Variants in MAGI1 observed in about 807,000 individuals in gnomAD.
MAGI1 encodes the protein membrane associated guanylate kinase, WW and PDZ domain containing 1, also known as membrane-associated guanylate kinase, WW and PDZ domain-containing protein 1.
Under a neutral mutation model 139.9 loss-of-function variants are expected in MAGI1, and 58 were observed. The observed-to-expected ratio is 0.41, with a 90% CI of 0.34 to 0.52. MAGI1 has a LOEUF of 0.52. Among genes scored for constraint, MAGI1 ranks in the 20% least tolerant of loss-of-function variants. The probability of loss-of-function intolerance (pLI) is 0.12; values close to 1 mark genes in which losing one functional copy is unlikely to be tolerated. For missense variants in MAGI1, 1,874 were observed against 1,901.6 expected (o/e 0.99, Z 0.27); for synonymous variants, 812 against 737.9 (o/e 1.10, Z -1.63).
At chr3:65,760,163 C>G (rs566083484) in intron 1 of MAGI1, among the ~76,000 whole-genome samples, 1 of 151,956 alleles carries the variant, frequency 6.6e-6, no homozygotes, top group African/African-American at 2.4e-5. Flanking sequence ...CCTCCTCCTC[C>G]TCCTCCTCCT....
At chr3:65,591,359 C>T (rs2081957082) in intron 2 of MAGI1, among the ~76,000 whole-genome samples, 1 of 152,092 alleles carries the variant, frequency 6.6e-6, no homozygotes, top group Admixed American at 6.5e-5. Context: ...TTTTCTCACA[C>T]CCCTCAGGTC....
rs193216072 is a variant in MAGI1 at position 65,941,296 on chromosome 3, G to A, written c.313+96700C>T. On this transcript the variant is annotated intron_variant, in intron 1 of 22. Coordinates refer to ENST00000402939, the MANE Select transcript of MAGI1 (RefSeq NM_001033057.2). Reference sequence around the variant, plus strand: ...CAGGAGGTGGAGGTTGCAGTGAGCCGAGATTGAGCCACTGCACTCCAGCCT... The same window carrying A: ...CAGGAGGTGGAGGTTGCAGTGAGCCAAGATTGAGCCACTGCACTCCAGCCT... Among the ~76,000 whole-genome samples the A allele has an allele frequency of 5.2e-3, 793 of 151,682 alleles. 6 individuals are homozygous for A. The highest frequency in any genetic ancestry group is 8.3e-3 in the Non-Finnish European group (567 of 67,962).
chr3:65,999,818 A>G (rs1393840740), intron 1 of MAGI1, among the ~76,000 whole-genome samples: 1 of 151,958 alleles, frequency 6.6e-6, no homozygotes, highest in East Asian at 1.9e-4. Flanking sequence ...TTTCGAACTA[A>G]TAAGTAACCT....
intron 1 of MAGI1, among the ~76,000 whole-genome samples, chr3:65,838,057 T>C (rs2058687003): frequency 6.6e-6 from 1 of 152,198 alleles, no homozygotes; most frequent in Non-Finnish European, 1.5e-5. Context: ...GCAATATTTG[T>C]GTATGAGTTC....
chr3:65,639,332 T>C (rs1262777894), intron 1 of MAGI1, among the ~76,000 whole-genome samples: 1 of 152,202 alleles, frequency 6.6e-6, no homozygotes, highest in Non-Finnish European at 1.5e-5. Context: ...GAAGTCTAAT[T>C]TATCAATTTT....
At chr3:65,773,353 T>C (rs1488924309) in intron 1 of MAGI1, among the ~76,000 whole-genome samples, 1 of 151,874 alleles carries the variant, frequency 6.6e-6, no homozygotes, top group Non-Finnish European at 1.5e-5. Context: ...GTCAACACAG[T>C]GAAACCTCAT....
chr3:65,976,145 G>A (rs1028706987), intron 1 of MAGI1, among the ~76,000 whole-genome samples: 1 of 152,156 alleles, frequency 6.6e-6, no homozygotes, highest in Non-Finnish European at 1.5e-5. Context: ...CACTGGTGGT[G>A]ACTTTTTGCT....
intron 14 of MAGI1, among the ~76,000 whole-genome samples, chr3:65,385,896 AAAC>A (rs1225390447): frequency 3.3e-5 from 5 of 152,208 alleles, no homozygotes; most frequent in Non-Finnish European, 7.4e-5. Context: ...AGCCTCAATG[AAAC>A]AACAAATTAA....
At chr3:65,942,924 G>C (rs1005652909) in intron 1 of MAGI1, among the ~76,000 whole-genome samples, 3 of 152,310 alleles carry the variant, frequency 2.0e-5, no homozygotes, top group African/African-American at 7.2e-5. Flanking sequence ...GGGAGGCTGA[G>C]GCAAGAGAAT....
chr3:65,818,139 C>T (rs1437566844), intron 1 of MAGI1, among the ~76,000 whole-genome samples: 2 of 152,084 alleles, frequency 1.3e-5, no homozygotes, highest in Non-Finnish European at 1.5e-5. Context: ...CACATACACA[C>T]ACAATATTCT....
At chr3:65,951,015 GGAA>G (rs1560047120) in intron 1 of MAGI1, among the ~76,000 whole-genome samples, 15 of 122,406 alleles carry the variant, frequency 1.2e-4, no homozygotes, top group East Asian at 4.8e-4. Flanking sequence ...AAGGAAGGAA[GGAA>G]GGAAGGAAGG....
At chr3:65,959,946 C>G (rs62243767) in intron 1 of MAGI1, among the ~76,000 whole-genome samples, 90 of 151,006 alleles carry the variant, frequency 6.0e-4, no homozygotes, top group Non-Finnish European at 1.1e-3. Flanking sequence ...GCTGTGATTA[C>G]AGGAGCCCGC....
At chr3:65,373,687 A>G (rs1358142729) in intron 18 of MAGI1, among the ~76,000 whole-genome samples, 1 of 152,142 alleles carries the variant, frequency 6.6e-6, no homozygotes, top group African/African-American at 2.4e-5. Context: ...CATCCTTCCT[A>G]TTAGGAACCT....
At chr3:65,538,221 G>C (rs1440500630) in intron 2 of MAGI1, among the ~76,000 whole-genome samples, 1 of 152,196 alleles carries the variant, frequency 6.6e-6, no homozygotes, top group Non-Finnish European at 1.5e-5. Context: ...ATAGGTTGGA[G>C]TATAAGGATA....
intron 1 of MAGI1, among the ~76,000 whole-genome samples, chr3:65,855,229 A>C (rs2059334975): frequency 6.6e-6 from 1 of 151,412 alleles, no homozygotes; most frequent in Non-Finnish European, 1.5e-5. Flanking sequence ...AGAGAAAAAA[A>C]GGCCTGTGAA....
At chr3:65,806,667 C>T (rs1371261799) in intron 1 of MAGI1, among the ~76,000 whole-genome samples, 3 of 152,182 alleles carry the variant, frequency 2.0e-5, no homozygotes, top group Admixed American at 6.6e-5. Context: ...TTTAATTCTG[C>T]TGGAGTTTTT....
intron 1 of MAGI1, among the ~76,000 whole-genome samples, chr3:65,782,981 C>A (rs1192504367): frequency 6.7e-6 from 1 of 150,120 alleles, no homozygotes; most frequent in Non-Finnish European, 1.5e-5. Flanking sequence ...AATCCCAAAG[C>A]ACCTTTAAAA....
intron 1 of MAGI1, among the ~76,000 whole-genome samples, chr3:65,875,739 A>G (rs531264092): frequency 6.6e-6 from 1 of 152,352 alleles, no homozygotes; most frequent in East Asian, 1.9e-4. Flanking sequence ...ACAGCCTAAC[A>G]TAATAATGAA....
Position 65,659,988 on chromosome 3 carries a change from A to G in MAGI1, c.314-37900T>C, listed in dbSNP as rs1454084323. 3.9e-5 allele frequency among the ~76,000 whole-genome samples: 6 copies of G among 152,226 alleles called. No homozygotes were observed. In the East Asian group the frequency reaches 1.2e-3, roughly 29 times the overall value. The stretch of plus-strand genomic sequence containing the variant: ...CCATACTGACAAGACACAAATTACA[A>G]GTTGGCCACATAGAAAGCACTCAAC... On this transcript the variant is annotated intron_variant, in intron 1 of 22. Transcript: ENST00000402939.
Sources: gnomAD v4.1 joint callset for allele counts (sites outside exome capture counted in the v4.1 genomes callset) on GRCh38, gnomAD v4.1.1 for gene constraint, MANE v1.5 for transcripts, NCBI Gene and HGNC (gene_info 2026-07-23, HGNC 2026-07-21) for gene names.